CYP3A43: variants seen among roughly 807,000 people sequenced by gnomAD.
The protein encoded by CYP3A43 is cytochrome P450 family 3 subfamily A member 43.
In CYP3A43, 45 loss-of-function variants were observed where a neutral mutation model predicts 58.0. The observed-to-expected ratio is 0.78, with a 90% CI of 0.61 to 0.99. CYP3A43 has a LOEUF of 0.99. Among genes scored for constraint, CYP3A43 ranks in the 50% least tolerant of loss-of-function variants. CYP3A43 has a pLI of 0.00. For synonymous variants in CYP3A43, 191 were observed against 201.4 expected (o/e 0.95, Z 0.44); for missense variants, 593 against 591.9 (o/e 1.00, Z -0.02).
In CYP3A43 at chr7:99,844,232, C is replaced by G; in HGVS notation, c.308C>G (p.Thr103Arg). Residue 103 changes from threonine to arginine, a missense_variant, in exon 4 of 13, where the codon ACA (threonine) becomes AGA (arginine). Transcript: ENST00000354829. ...VLVKECYSVFTNQMPLGPMGF... is the reference protein window; with the variant it reads ...VLVKECYSVFRNQMPLGPMGF... ...GTGAAAGAATGTTACTCTGTCTTCACAAACCAGATGGTAGGCCTATATTTT... is the reference window on the plus strand; with the variant it reads ...GTGAAAGAATGTTACTCTGTCTTCAGAAACCAGATGGTAGGCCTATATTTT... 3 of 1,613,494 alleles carry G rather than the reference C, an allele frequency of 1.9e-6. No individual in the cohort carries two copies. The East Asian group carries it at 6.7e-5, about 36-fold the overall frequency.
chr7:99,855,353 G>T (rs146068213), intron 7 of CYP3A43: 16 of 403,488 alleles, frequency 4.0e-5, no homozygotes, highest in African/African-American at 2.7e-4. Flanking sequence ...AGATGCAGAA[G>T]GGACCACTGA....
At chr7:99,831,972 G>A (rs1013749064) in intron 1 of CYP3A43, among the ~76,000 whole-genome samples, 2 of 152,168 alleles carry the variant, frequency 1.3e-5, no homozygotes, top group Admixed American at 1.3e-4. Flanking sequence ...AGATTTGGGT[G>A]TAGCTGGAAG....
chr7:99,842,879 C>T (rs1367748717), intron 3 of CYP3A43, among the ~76,000 whole-genome samples: 1 of 152,158 alleles, frequency 6.6e-6, no homozygotes, highest in Non-Finnish European at 1.5e-5. Flanking sequence ...TATACATATC[C>T]TCCTTCCCCC....
intron 1 of CYP3A43, among the ~76,000 whole-genome samples, chr7:99,832,698 G>GA (rs983128088): frequency 6.8e-5 from 10 of 146,876 alleles, no homozygotes; most frequent in South Asian, 4.3e-4. Flanking sequence ...AATAATAATA[G>GA]AAAAAAAAAC....
chr7:99,846,819 T>C (rs1457892228), intron 4 of CYP3A43, among the ~76,000 whole-genome samples: 1 of 152,202 alleles, frequency 6.6e-6, no homozygotes, highest in Non-Finnish European at 1.5e-5. Flanking sequence ...AATTATCCAT[T>C]TTAAAATACA....
intron 1 of CYP3A43, among the ~76,000 whole-genome samples, chr7:99,830,015 A>G (rs1816780101): frequency 6.6e-6 from 1 of 152,196 alleles, no homozygotes; most frequent in Non-Finnish European, 1.5e-5. Context: ...ATGGCACTTA[A>G]GCATGTTGAG....
chr7:99,865,263 C>T (rs1818400867), intron 12 of CYP3A43, among the ~76,000 whole-genome samples: 1 of 114,116 alleles, frequency 8.8e-6, no homozygotes, highest in Non-Finnish European at 1.7e-5. Flanking sequence ...TGGCTGCTCC[C>T]CTGACACTGA....
intron 2 of CYP3A43, chr7:99,838,675 A>G (rs1383745641): frequency 1.2e-5 from 16 of 1,288,556 alleles, no homozygotes; most frequent in Non-Finnish European, 1.6e-5. Flanking sequence ...CTTTTCCTTA[A>G]GAGGTCTCTG....
In CYP3A43 at chr7:99,861,729, T is replaced by G; in HGVS notation, c.1143T>G (p.Ile381Met). 1.2e-6 allele frequency: 2 copies of G among 1,614,122 alleles called. No individual in the cohort carries two copies. Among genetic ancestry groups the G allele is most frequent in the Non-Finnish European group, 1.7e-6 (2 of 1,180,002 alleles). Residue 381 changes from isoleucine (I) to methionine (M), a missense_variant, in exon 11 of 13, where the codon ATT becomes ATG. Transcript: ENST00000354829. ...TTACGAGAGTCTGCAAGAAAGATAT[T>G]GAAATCAATGGAGTGTTCATTCCCA... is the stretch of plus-strand genomic sequence containing the variant. ...SRVTRVCKKD[I>M]EINGVFIPKG...
chr7:99,848,325 C>T (rs1817617953), intron 6 of CYP3A43, 71 bp downstream of exon 6: 1 of 1,489,042 alleles, frequency 6.7e-7, no homozygotes, highest in African/African-American at 1.4e-5. Flanking sequence ...AGCTGATATT[C>T]CCACTGTTGG....
intron 1 of CYP3A43, among the ~76,000 whole-genome samples, chr7:99,833,759 G>A (rs932930561): frequency 3.3e-5 from 5 of 152,282 alleles, no homozygotes; most frequent in African/African-American, 1.2e-4. Context: ...TCTTCTACCG[G>A]CAGCAGCTGA....
intron 12 of CYP3A43, 106 bp from the exon 13 acceptor site, chr7:99,865,800 T>C: frequency 2.9e-6 from 2 of 691,244 alleles, no homozygotes; most frequent in Non-Finnish European, 4.5e-6. Context: ...GTAGTTTTTT[T>C]TTAGTCATTG....
In CYP3A43 at chr7:99,862,428, G is replaced by A. The variant is rs549231254; in HGVS notation, c.1253+589G>A. Among the ~76,000 whole-genome samples the A allele has an allele frequency of 2.6e-3, 395 of 152,280 alleles. 4 individuals carry two copies. The highest frequency in any genetic ancestry group is 0.02 in the Middle Eastern group (6 of 294). On this transcript the variant is annotated intron_variant, in intron 11 of 12. Coordinates refer to ENST00000354829, the MANE Select transcript of CYP3A43 (RefSeq NM_057095.3). ...TTAAGCCACTTCATTGAGGACAGAG[G>A]GAAGCAGAGGTTCTCCTGGTCCTGT...
chr7:99,838,908 A>C (rs1467567572), intron 2 of CYP3A43: 1 of 615,790 alleles, frequency 1.6e-6, no homozygotes, highest in Non-Finnish European at 2.7e-6. Context: ...TGAACCCAGA[A>C]GGCAGAGGTT....
chr7:99,847,668 C>T, intron 5 of CYP3A43, 67 bp downstream of exon 5: 1 of 1,597,280 alleles, frequency 6.3e-7, no homozygotes, highest in Non-Finnish European at 8.5e-7. Context: ...TAGTAAGTAT[C>T]ATCATAGTTC....
intron 4 of CYP3A43, among the ~76,000 whole-genome samples, chr7:99,845,067 CA>C (rs575207725): frequency 0.23 from 24,606 of 105,364 alleles, 2,946 homozygotes; most frequent in African/African-American, 0.4. Context: ...GACTCAGTCT[CA>C]AAAAAAAAAA....
chr7:99,839,267 T>C, intron 3 of CYP3A43, 95 bp downstream of exon 3: 1 of 1,456,798 alleles, frequency 6.9e-7, no homozygotes, highest in South Asian at 1.2e-5. Flanking sequence ...TTTGTTTGGA[T>C]AATGCTATTG....
At chr7:99,836,593 C>A in intron 2 of CYP3A43, 47 bp downstream of exon 2, 1 of 1,381,518 alleles carries the variant, frequency 7.2e-7, no homozygotes, top group South Asian at 1.4e-5. Flanking sequence ...CGATGCAAAC[C>A]CAAGCTTAGT....
chr7:99,841,675 G>A (rs1362415843), intron 3 of CYP3A43, among the ~76,000 whole-genome samples: 1 of 151,940 alleles, frequency 6.6e-6, no homozygotes, highest in Non-Finnish European at 1.5e-5. Context: ...GGTATTACAG[G>A]CATGAGCCAC....
Sources: allele counts gnomAD v4.1 joint callset (sites outside exome capture counted in the v4.1 genomes callset), GRCh38; gene constraint gnomAD v4.1.1; transcripts MANE v1.5; gene names NCBI Gene and HGNC (gene_info 2026-07-23, HGNC 2026-07-21).